The following EFTUD2 variants were observed in gnomAD, a reference collection of about 807,000 sequenced individuals.
EFTUD2 encodes elongation factor Tu GTP binding domain containing 2.
A neutral mutation model predicts 114.3 loss-of-function variants in EFTUD2; 9 were observed. That is an observed-to-expected ratio of 0.08 (90% CI 0.05 to 0.14). EFTUD2 has a LOEUF of 0.14. Ranked by LOEUF, EFTUD2 falls within the 10% of genes least tolerant of loss-of-function variation. The pLI, the probability that EFTUD2 is intolerant of heterozygous loss-of-function variation, is 1.00. For missense variants in EFTUD2, 765 were observed against 1,241.2 expected (o/e 0.62, Z 5.76); for synonymous variants, 449 against 462.3 (o/e 0.97, Z 0.37).
intron 13 of EFTUD2, 56 bp from the exon 14 acceptor site, chr17:44,865,121 G>C: frequency 3.1e-6 from 5 of 1,598,774 alleles, no homozygotes; most frequent in Non-Finnish European, 4.3e-6. Flanking sequence ...CATGGTGCTA[G>C]AGGGAGACAA....
Position 44,880,595 on chromosome 17 carries a change from G to A in EFTUD2, c.578C>T (p.Thr193Ile). 1 of 1,613,800 alleles carries A rather than the reference G, an allele frequency of 6.2e-7. No homozygotes were observed. ...STPVTVVLPD[T>I]KGKSYLFNIM... is the part of the protein sequence containing the mutation. The stretch of plus-strand genomic sequence containing the variant: ...ATTGAAGAGATAAGATTTTCCTTTG[G>A]TGTCTGGCAAGACCACTGTCACAGG... The change falls in exon 8 of 28, where the codon ACC (threonine) becomes ATC (isoleucine). Residue 193 changes from threonine (T) to isoleucine (I), a missense_variant. Transcript: ENST00000426333.
rs758682571 is a variant in EFTUD2, at chr17:44,864,921, CATT to C, written c.1285+6_1285+8del. On this transcript the variant is annotated splice_donor_region_variant and intron_variant, in intron 14 of 27. Coordinates refer to ENST00000426333, the MANE Select transcript of EFTUD2 (RefSeq NM_004247.4). Reference sequence around the variant, plus strand: ...TGACAGAGTTAAGGGGCCACGAGCACATTATTACCTGTGAACTCGCCAAAGAAC... The same window carrying C: ...TGACAGAGTTAAGGGGCCACGAGCACATTACCTGTGAACTCGCCAAAGAAC... 34 of 1,613,922 alleles carry C rather than the reference CATT, an allele frequency of 2.1e-5. No individual in the cohort carries two copies. The highest frequency in any genetic ancestry group is 2.6e-5 in the Non-Finnish European group (31 of 1,179,946).
rs559204439 is a variant in EFTUD2, at chr17:44,871,165, G to C, written c.994+1281C>G. 2.2e-3 allele frequency among the ~76,000 whole-genome samples: 331 copies of C among 151,852 alleles called. 1 individual carries two copies. The highest frequency in any genetic ancestry group is 3.7e-3 in the Non-Finnish European group (252 of 67,958). On this transcript the variant is annotated intron_variant, in intron 11 of 27. Transcript: ENST00000426333. ...GTGATCCTCCCGAGCTCAGACTACA[G>C]GCCAGTGCCATCATGCCCACCTAAT... is the stretch of plus-strand genomic sequence containing the variant.
chr17:44,876,178 T>G lies in EFTUD2; in HGVS notation c.703-78A>C. ...TTCAAAGCAGAACCAAAGAAGGCAC[T>G]ATTTCAAACCATGAAGCCTGGGGAG... On this transcript the variant is annotated intron_variant, in intron 9 of 27. Coordinates refer to ENST00000426333, the MANE Select transcript of EFTUD2 (RefSeq NM_004247.4). 5 of 1,495,312 alleles carry G rather than the reference T, an allele frequency of 3.3e-6. No individual in the cohort carries two copies. The South Asian group carries it at 6.4e-5, about 19-fold the overall frequency. 92.6% of individuals were successfully genotyped at this position (1,495,312 alleles called of 1,614,324 possible). A position where few individuals can be genotyped will look rare whatever the true frequency, so the allele number is the denominator to read the frequency against.
intron 7 of EFTUD2, 68 bp from the exon 8 acceptor site, chr17:44,880,712 C>T (rs1416608479): frequency 7.9e-7 from 1 of 1,269,690 alleles, no homozygotes; most frequent in Non-Finnish European, 1.1e-6. Flanking sequence ...TTTTGGGGCT[C>T]CCCAGTTGCT....
intron 8 of EFTUD2, among the ~76,000 whole-genome samples, chr17:44,879,915 G>A (rs2051039742): frequency 6.6e-6 from 1 of 152,068 alleles, no homozygotes; most frequent in Non-Finnish European, 1.5e-5. Flanking sequence ...AGCCTAATCA[G>A]CAGTAAGTAG....
chr17:44,853,882 T>C, intron 23 of EFTUD2: 1 of 1,388,386 alleles, frequency 7.2e-7, no homozygotes, highest in African/African-American at 1.4e-5. Context: ...TAGAAGTTTA[T>C]TTCCTTCTTC....
chr17:44,873,857 C>A (rs1190957102), intron 10 of EFTUD2, among the ~76,000 whole-genome samples: 1 of 150,788 alleles, frequency 6.6e-6, no homozygotes, highest in Non-Finnish European at 1.5e-5. Context: ...TCAGCCTCCT[C>A]AGTAGCTGGG....
At chr17:44,867,285 CCCTTT>C (rs1169078563) in intron 13 of EFTUD2, among the ~76,000 whole-genome samples, 2 of 151,160 alleles carry the variant, frequency 1.3e-5, no homozygotes, top group South Asian at 2.1e-4. Flanking sequence ...CATACCTTTT[CCCTTT>C]CCTTTGATTT....
At chr17:44,857,202 T>C in intron 19 of EFTUD2, 45 bp from the exon 20 acceptor site, 1 of 1,562,284 alleles carries the variant, frequency 6.4e-7, no homozygotes, top group Non-Finnish European at 8.8e-7. Flanking sequence ...CTAATTTTGT[T>C]GGAAGGGCAA....
In EFTUD2 at chr17:44,856,299, C is replaced by T. The variant is rs181014704; in HGVS notation, c.2045+776G>A. On this transcript the variant is annotated intron_variant, in intron 20 of 27. Coordinates refer to ENST00000426333, the MANE Select transcript of EFTUD2 (RefSeq NM_004247.4). ...ATCCCAGCATTTTGGGAGGCCGAGGCGGGCGGACTGCCTGAGGTCAGGGGT... is the reference window on the plus strand; with the variant it reads ...ATCCCAGCATTTTGGGAGGCCGAGGTGGGCGGACTGCCTGAGGTCAGGGGT... Among the ~76,000 whole-genome samples the T allele has an allele frequency of 1.7e-3, 250 of 148,426 alleles. 1 individual carries two copies. The highest frequency in any genetic ancestry group is 6.0e-3 in the African/African-American group (243 of 40,222).
intron 1 of EFTUD2, among the ~76,000 whole-genome samples, chr17:44,897,244 C>T (rs1567758922): frequency 6.7e-6 from 1 of 148,378 alleles, no homozygotes; most frequent in African/African-American, 2.5e-5. Flanking sequence ...AAAGAATTTA[C>T]CAGAGTCCTA....
At position 44,886,721 on chromosome 17, in the gene EFTUD2, T is replaced by C. The variant is rs375469813; in HGVS notation, c.135A>G (p.Val45=). 1.2e-6 allele frequency: 2 copies of C among 1,613,910 alleles called. No individual in the cohort carries two copies. Among genetic ancestry groups the C allele is most frequent in the Non-Finnish European group, 1.7e-6 (2 of 1,179,986 alleles). ...EMDDDDDDDD[V]GDHDDDHPGM... ...CAGGGTGGTCATCGTCATGATCTCC[T>C]ACGTCATCGTCGTCGTCATCATCAT... Residue 45 remains valine (V), a synonymous_variant, in exon 3 of 28, where the codon GTA becomes GTG. Transcript: ENST00000426333.
intron 13 of EFTUD2, among the ~76,000 whole-genome samples, chr17:44,867,468 T>A (rs1225493080): frequency 6.6e-6 from 1 of 151,914 alleles, no homozygotes; most frequent in Non-Finnish European, 1.5e-5. Flanking sequence ...CCCAGCTAAT[T>A]TTTTGTATTT....
intron 2 of EFTUD2, among the ~76,000 whole-genome samples, chr17:44,891,548 C>T (rs1019349423): frequency 6.6e-6 from 1 of 152,158 alleles, no homozygotes; most frequent in African/African-American, 2.4e-5. Flanking sequence ...TGGGGTCTCA[C>T]TACATTGCCC....
At chr17:44,878,573 G>C (rs1265317028) in intron 9 of EFTUD2, among the ~76,000 whole-genome samples, 1 of 152,164 alleles carries the variant, frequency 6.6e-6, no homozygotes, top group Non-Finnish European at 1.5e-5. Context: ...TTCTGATTTT[G>C]GCAACTGTAC....
At chr17:44,860,252 C>A in intron 17 of EFTUD2, 180 bp downstream of exon 17, 2 of 775,016 alleles carry the variant, frequency 2.6e-6, no homozygotes, top group Non-Finnish European at 4.2e-6. Flanking sequence ...ATAAAAGGCA[C>A]CCGTCCTAAT....
chr17:44,857,920 CTTTTTTTT>C (rs528299306), intron 19 of EFTUD2, among the ~76,000 whole-genome samples: 6 of 127,518 alleles, frequency 4.7e-5, no homozygotes, highest in South Asian at 5.0e-4. Context: ...TTTCTTTTTC[CTTTTTTTT>C]TTTTTTTTTT....
intron 12 of EFTUD2, 117 bp from the exon 13 acceptor site, chr17:44,868,014 A>C: frequency 9.5e-7 from 1 of 1,055,218 alleles, no homozygotes; most frequent in Non-Finnish European, 1.4e-6. Context: ...TGTGTGTGTG[A>C]CTGTAAAGTT....
Sources: gnomAD v4.1 joint callset for allele counts (sites outside exome capture counted in the v4.1 genomes callset) on GRCh38, gnomAD v4.1.1 for gene constraint, MANE v1.5 for transcripts, NCBI Gene and HGNC (gene_info 2026-07-23, HGNC 2026-07-21) for gene names.